Variants in IGF2BP2 observed in about 807,000 individuals in gnomAD.
IGF2BP2 encodes insulin-like growth factor 2 mRNA-binding protein 2.
IGF2BP2 carries 17 observed loss-of-function variants against 75.8 expected under a neutral mutation model. The observed-to-expected ratio is 0.22, with a 90% CI of 0.15 to 0.34. The LOEUF is 0.34. Among genes scored for constraint, IGF2BP2 ranks in the 10% least tolerant of loss-of-function variants. The probability of loss-of-function intolerance (pLI) is 1.00; values close to 1 mark genes in which losing one functional copy is unlikely to be tolerated. For synonymous variants in IGF2BP2, 288 were observed against 295.6 expected (o/e 0.97, Z 0.26); for missense variants, 516 against 772.4 (o/e 0.67, Z 3.93).
At chr3:185,664,434 T>C (rs1560248196) in intron 10 of IGF2BP2, among the ~76,000 whole-genome samples, 1 of 152,130 alleles carries the variant, frequency 6.6e-6, no homozygotes, top group Non-Finnish European at 1.5e-5. Context: ...ATTAGACATA[T>C]ATAAAGAATC....
At position 185,643,880 on chromosome 3, in the gene IGF2BP2, T is replaced by C. The variant is rs1405176956; in HGVS notation, c.*1651A>G. On this transcript the variant is annotated 3_prime_UTR_variant, in exon 16 of 16. Transcript: ENST00000382199. ...TGGCTTGTCCACATAAACCAGTACATGTTCATCCTTTAGCGCAAAAAGCCC... is the reference window on the plus strand; with the variant it reads ...TGGCTTGTCCACATAAACCAGTACACGTTCATCCTTTAGCGCAAAAAGCCC... The C allele has an allele frequency of 1.4e-5, 2 of 147,958 alleles. No individual in the cohort carries two copies. Among genetic ancestry groups the C allele is most frequent in the African/African-American group, 2.5e-5 (1 of 40,216 alleles). 9.2% of individuals were successfully genotyped at this position (147,958 alleles called of 1,614,324 possible). A position where few individuals can be genotyped will look rare whatever the true frequency, so the allele number is the denominator to read the frequency against.
chr3:185,766,802 T>G (rs1733139995), intron 2 of IGF2BP2, among the ~76,000 whole-genome samples: 1 of 152,224 alleles, frequency 6.6e-6, no homozygotes, highest in African/African-American at 2.4e-5. Context: ...ATATCCTGTT[T>G]AGAGATGAGA....
chr3:185,732,413 A>AT (rs1430138395), intron 2 of IGF2BP2, among the ~76,000 whole-genome samples: 1 of 152,178 alleles, frequency 6.6e-6, no homozygotes, highest in Non-Finnish European at 1.5e-5. Context: ...ACAGTACAGG[A>AT]TTTTTAGTAT....
chr3:185,780,278 T>C (rs1735039869), intron 2 of IGF2BP2, among the ~76,000 whole-genome samples: 1 of 151,998 alleles, frequency 6.6e-6, no homozygotes, highest in South Asian at 2.1e-4. Context: ...GGGACCAGGA[T>C]TAGGGATGGG....
rs142837929 is a variant in IGF2BP2, at chr3:185,782,218, T to C, written c.239+40935A>G. On this transcript the variant is annotated intron_variant, in intron 2 of 15. Coordinates refer to ENST00000382199, the MANE Select transcript of IGF2BP2 (RefSeq NM_006548.6). ...CCCTCTTTGTGCCAGGAACTTAATG[T>C]GCCAGGAAAATTTTAATGATGTAGA... 7.9e-5 allele frequency among the ~76,000 whole-genome samples: 12 copies of C among 152,276 alleles called. No homozygotes were observed. In the East Asian group the frequency reaches 2.3e-3, roughly 29 times the overall value.
chr3:185,678,518 T>C (rs1354087735), intron 7 of IGF2BP2, among the ~76,000 whole-genome samples: 1 of 152,254 alleles, frequency 6.6e-6, no homozygotes, highest in Non-Finnish European at 1.5e-5. Context: ...TACTTTGTAG[T>C]ATAATTTCAA....
chr3:185,734,469 G>A (rs1578141299), intron 2 of IGF2BP2, among the ~76,000 whole-genome samples: 1 of 144,274 alleles, frequency 6.9e-6, no homozygotes, highest in East Asian at 1.9e-4. Flanking sequence ...CAGCGTCTCT[G>A]TTCATCCATT....
intron 2 of IGF2BP2, among the ~76,000 whole-genome samples, chr3:185,776,974 G>C (rs148291672): frequency 6.6e-6 from 1 of 152,336 alleles, no homozygotes; most frequent in East Asian, 1.9e-4. Flanking sequence ...GGTCAAGACA[G>C]AAGCAGACTC....
chr3:185,797,486 A>G (rs11708719), intron 2 of IGF2BP2, among the ~76,000 whole-genome samples: 7,155 of 152,308 alleles, frequency 0.047, 222 homozygotes, highest in Non-Finnish European at 0.069. Flanking sequence ...TCTAACAACT[A>G]ATGCCTGGTT....
intron 2 of IGF2BP2, among the ~76,000 whole-genome samples, chr3:185,795,889 A>C (rs1737308942): frequency 6.6e-6 from 1 of 152,200 alleles, no homozygotes; most frequent in Non-Finnish European, 1.5e-5. Flanking sequence ...CTGTCTCAAA[A>C]AAAAGAAAAG....
intron 7 of IGF2BP2, among the ~76,000 whole-genome samples, chr3:185,677,217 T>A (rs537688478): frequency 6.6e-6 from 1 of 151,580 alleles, no homozygotes; most frequent in Non-Finnish European, 1.5e-5. Context: ...GCTGGGCTCC[T>A]CCTTTGGGAC....
At chr3:185,730,592 G>A (rs936330743) in intron 2 of IGF2BP2, among the ~76,000 whole-genome samples, 4 of 151,692 alleles carry the variant, frequency 2.6e-5, no homozygotes, top group African/African-American at 9.7e-5. Flanking sequence ...GCGCCACCAC[G>A]CCCGGCTAAT....
chr3:185,807,781 A>G (rs1739216360), intron 2 of IGF2BP2, among the ~76,000 whole-genome samples: 1 of 152,252 alleles, frequency 6.6e-6, no homozygotes, highest in Admixed American at 6.5e-5. Flanking sequence ...GACTATTGTC[A>G]TGCTGTGAAG....
chr3:185,758,914 A>G lies in IGF2BP2; in HGVS notation c.240-60567T>C, dbSNP rs529748986. On this transcript the variant is annotated intron_variant, in intron 2 of 15. Coordinates refer to ENST00000382199, the MANE Select transcript of IGF2BP2 (RefSeq NM_006548.6). ...GTAGGAGATTTAACTGCAGTCCTTTACCTTGAGATAAACAGCTTGTAAACT... is the reference window on the plus strand; with the variant it reads ...GTAGGAGATTTAACTGCAGTCCTTTGCCTTGAGATAAACAGCTTGTAAACT... Among the ~76,000 whole-genome samples the G allele has an allele frequency of 2.6e-5, 4 of 152,292 alleles. No homozygotes were observed. The South Asian group carries it at 8.3e-4, about 32-fold the overall frequency.
At chr3:185,677,054 TATATATATATATATAGAGAGAG>T (rs1719588857) in intron 7 of IGF2BP2, among the ~76,000 whole-genome samples, 1 of 55,496 alleles carries the variant, frequency 1.8e-5, no homozygotes, top group East Asian at 4.7e-4. Flanking sequence ...GATATATATA[TATATATATATATATAGAGAGAG>T]AGAGAGAGAG....
intron 2 of IGF2BP2, chr3:185,722,095 T>C (rs1223539220): frequency 8.5e-6 from 3 of 351,026 alleles, no homozygotes; most frequent in African/African-American, 2.2e-5. Flanking sequence ...CATCTGATTT[T>C]TTTTTTCTTT....
intron 10 of IGF2BP2, among the ~76,000 whole-genome samples, chr3:185,664,463 A>C (rs1286413559): frequency 1.3e-5 from 2 of 152,230 alleles, no homozygotes; most frequent in Non-Finnish European, 1.5e-5. Context: ...GAAGGAGAGA[A>C]GCCCAGCTGC....
chr3:185,737,735 G>T (rs969297790), intron 2 of IGF2BP2, among the ~76,000 whole-genome samples: 3 of 152,150 alleles, frequency 2.0e-5, no homozygotes, highest in African/African-American at 7.2e-5. Flanking sequence ...TACACAAGAA[G>T]ACAGACTAGA....
chr3:185,689,310 G>A (rs879184313), intron 6 of IGF2BP2, 45 bp downstream of exon 6: 4 of 1,591,236 alleles, frequency 2.5e-6, no homozygotes, highest in African/African-American at 1.3e-5. Context: ...CCAGCACGCA[G>A]GGGACCCCTC....
Sources: gnomAD v4.1 joint callset for allele counts (sites outside exome capture counted in the v4.1 genomes callset) on GRCh38, gnomAD v4.1.1 for gene constraint, MANE v1.5 for transcripts, NCBI Gene and HGNC (gene_info 2026-07-23, HGNC 2026-07-21) for gene names.